OR52N4: variants seen among roughly 807,000 people sequenced by gnomAD.
OR52N4 encodes olfactory receptor 52N4.
A neutral mutation model predicts 15.0 loss-of-function variants in OR52N4; 15 were observed. The observed-to-expected ratio is 1.00, with a 90% confidence interval of 0.67 to 1.54. OR52N4 has a LOEUF of 1.54. OR52N4 is among the 40% of genes most tolerant of loss of function. The pLI is 0.00. For synonymous variants in OR52N4, 143 were observed against 143.7 expected (o/e 1.00, Z 0.03); for missense variants, 421 against 394.0 (o/e 1.07, Z -0.58).
upstream of OR52N4, among the ~76,000 whole-genome samples, chr11:5,750,386 G>A (rs1355543241): frequency 6.6e-6 from 1 of 151,794 alleles, no homozygotes; most frequent in African/African-American, 2.4e-5. Flanking sequence ...TACTTGAAAT[G>A]GTCACTTTAA....
chr11:5,727,971 A>G, the OR52N4 span, among the ~76,000 whole-genome samples: 1 of 152,252 alleles, frequency 6.6e-6, no homozygotes, highest in African/African-American at 2.4e-5. Flanking sequence ...CAAGAGGAGA[A>G]AAAGATCCAC....
upstream of OR52N4, among the ~76,000 whole-genome samples, chr11:5,753,446 A>G (rs377653042): frequency 1.6e-3 from 246 of 152,230 alleles, 1 homozygote; most frequent in African/African-American, 5.6e-3. Flanking sequence ...TTTGAAGTGT[A>G]TGTTTCTTCC....
the OR52N4 span, among the ~76,000 whole-genome samples, chr11:5,747,077 C>CAAAAAAAA: frequency 1.7e-5 from 1 of 57,260 alleles, no homozygotes; most frequent in African/African-American, 7.5e-5. Context: ...GTAAAAATAC[C>CAAAAAAAA]AAAAAAAAAA....
the OR52N4 span, chr11:5,736,956 G>C: frequency 1.2e-6 from 2 of 1,614,120 alleles, no homozygotes; most frequent in Admixed American, 1.7e-5. Context: ...ATTGTCACCA[G>C]TTCCTTAATC....
chr11:5,751,873 C>T (rs1854199291), upstream of OR52N4, among the ~76,000 whole-genome samples: 1 of 152,084 alleles, frequency 6.6e-6, no homozygotes, highest in South Asian at 2.1e-4. Flanking sequence ...CTAGTCAAGG[C>T]TATTGGTAGC....
the OR52N4 span, chr11:5,736,249 A>G: frequency 6.9e-6 from 3 of 435,438 alleles, no homozygotes. Context: ...ATGGACATCT[A>G]TATCAACTTG....
chr11:5,755,553 C>T lies in OR52N4; in HGVS notation c.813C>T (p.Ile271=). 3.7e-6 allele frequency: 6 copies of T among 1,613,888 alleles called. No homozygotes were observed. The highest frequency in any genetic ancestry group is 4.2e-6 in the Non-Finnish European group (5 of 1,179,816). Residue 271 remains isoleucine, a synonymous_variant, in exon 2 of 2, where the codon ATC becomes ATT. Coordinates refer to ENST00000641350, the MANE Select transcript of OR52N4 (RefSeq NM_001005175.5). ...FFSHRFGEHI[I]PPSCHIIVAN... ...CCCACCGCTTTGGGGAACACATAAT[C>T]CCCCCTTCTTGCCACATCATTGTAG...
upstream of OR52N4, among the ~76,000 whole-genome samples, chr11:5,753,459 C>A (rs556099477): frequency 2.0e-5 from 3 of 152,030 alleles, no homozygotes; most frequent in Non-Finnish European, 2.9e-5. Flanking sequence ...TTTCTTCCTG[C>A]AACTTTTTCT....
At chr11:5,733,897 ATTC>A in the OR52N4 span, among the ~76,000 whole-genome samples, 1 of 152,188 alleles carries the variant, frequency 6.6e-6, no homozygotes, top group South Asian at 2.1e-4. Context: ...AAATGAAGAT[ATTC>A]TTCTATTCAT....
At chr11:5,736,893 G>A in the OR52N4 span, 1 of 1,613,868 alleles carries the variant, frequency 6.2e-7, no homozygotes, top group African/African-American at 1.3e-5. Context: ...ATCCTACTCT[G>A]CATGGCTTTT....
chr11:5,752,987 T>A (rs1854221319), upstream of OR52N4, among the ~76,000 whole-genome samples: 1 of 152,234 alleles, frequency 6.6e-6, no homozygotes, highest in South Asian at 2.1e-4. Context: ...TTGTTTATTC[T>A]TATTGTTACG....
At chr11:5,750,315 AC>A (rs1854163949), upstream of OR52N4, among the ~76,000 whole-genome samples, 1 of 151,864 alleles carries the variant, frequency 6.6e-6, no homozygotes, top group African/African-American at 2.4e-5. Flanking sequence ...ATTTTTCTCC[AC>A]CCAGGTAATT....
chr11:5,741,537 A>C, the OR52N4 span, among the ~76,000 whole-genome samples: 1 of 152,240 alleles, frequency 6.6e-6, no homozygotes, highest in Non-Finnish European at 1.5e-5. Context: ...ATATGAGGCC[A>C]AAAGAGTCAC....
the OR52N4 span, among the ~76,000 whole-genome samples, chr11:5,729,590 G>A: frequency 6.6e-6 from 1 of 152,072 alleles, no homozygotes; most frequent in Non-Finnish European, 1.5e-5. Context: ...TTTGTAGAAC[G>A]TTTCTAAAGT....
chr11:5,730,705 C>T, the OR52N4 span, among the ~76,000 whole-genome samples: 1 of 151,096 alleles, frequency 6.6e-6, no homozygotes, highest in African/African-American at 2.4e-5. Flanking sequence ...GCTAACTTCT[C>T]ACTCATTCCA....
the OR52N4 span, among the ~76,000 whole-genome samples, chr11:5,748,560 G>T: frequency 2.0e-5 from 3 of 151,594 alleles, no homozygotes; most frequent in African/African-American, 7.3e-5. Flanking sequence ...ACTTGAAAAA[G>T]TAAAAATTTT....
upstream of OR52N4, among the ~76,000 whole-genome samples, chr11:5,749,992 G>A (rs1274191849): frequency 1.3e-5 from 2 of 151,948 alleles, no homozygotes; most frequent in African/African-American, 4.8e-5. Flanking sequence ...TAGTTATGTA[G>A]TTCTTGGAGA....
At chr11:5,752,146 C>T (rs1364301313), upstream of OR52N4, among the ~76,000 whole-genome samples, 2 of 152,126 alleles carry the variant, frequency 1.3e-5, no homozygotes, top group African/African-American at 4.8e-5. Flanking sequence ...AATCATGCTC[C>T]AGGTCTGGAA....
rs775871765 is a variant in OR52N4 at position 5,755,270 on chromosome 11, C to T, written c.530C>T (p.Pro177Leu). 6.2e-7 allele frequency: 1 copy of T among 1,614,044 alleles called. No individual in the cohort carries two copies. The highest frequency in any genetic ancestry group is 8.5e-7 in the Non-Finnish European group (1 of 1,179,976). The change falls in exon 2 of 2, where the codon CCC becomes CTC. Residue 177 changes from proline (P) to leucine (L), a missense_variant. By Grantham distance (98) the Pro-to-Leu change is moderately conservative. Coordinates refer to ENST00000641350, the MANE Select transcript of OR52N4 (RefSeq NM_001005175.5). Reference protein sequence around the residue: ...LLPYCRGNILPHTYCDHMSVA... With the variant: ...LLPYCRGNILLHTYCDHMSVA... The stretch of plus-strand genomic sequence containing the variant: ...CCCTACTGCAGAGGCAATATACTTC[C>T]CCATACCTACTGTGACCACATGTCT...
Sources: allele counts gnomAD v4.1 joint callset (sites outside exome capture counted in the v4.1 genomes callset), GRCh38; gene constraint gnomAD v4.1.1; transcripts MANE v1.5; gene names NCBI Gene and HGNC (gene_info 2026-07-23, HGNC 2026-07-21).